Variants in GPATCH2 observed in about 807,000 individuals in gnomAD.
GPATCH2 encodes the protein G patch domain-containing protein 2.
In GPATCH2, 51 loss-of-function variants were observed where a neutral mutation model predicts 58.0. The ratio of observed to expected loss-of-function variants is 0.88; its 90% CI spans 0.70 to 1.11. GPATCH2 has a LOEUF of 1.11. Among genes scored for constraint, GPATCH2 ranks in the 50% most tolerant of loss-of-function variants. The pLI is 0.00. For synonymous variants in GPATCH2, 222 were observed against 218.5 expected (o/e 1.02, Z -0.14); for missense variants, 625 against 652.2 (o/e 0.96, Z 0.45).
At chr1:217,564,174 T>G (rs1219383223) in intron 5 of GPATCH2, among the ~76,000 whole-genome samples, 1 of 151,550 alleles carries the variant, frequency 6.6e-6, no homozygotes, top group Non-Finnish European at 1.5e-5. Context: ...AATATCTTAC[T>G]CGAAGTCCGA....
At position 217,620,405 on chromosome 1, in the gene GPATCH2, C is replaced by G; in HGVS notation, c.151G>C (p.Gly51Arg). Residue 51 changes from glycine to arginine, a missense_variant, in exon 2 of 10, where the codon GGA becomes CGA. Transcript: ENST00000366935. Reference sequence around the variant, plus strand: ...CAAGATATACTTCGAGAATGGTCTCCTGTTTCAGCAAATCCACCTCGAGCT... The same window carrying G: ...CAAGATATACTTCGAGAATGGTCTCGTGTTTCAGCAAATCCACCTCGAGCT... ...EQARGGFAET[G>R]DHSRSISCPL... 6.2e-7 allele frequency: 1 copy of G among 1,614,016 alleles called. No individual in the cohort carries two copies. Among genetic ancestry groups the G allele is most frequent in the Non-Finnish European group, 8.5e-7 (1 of 1,179,952 alleles).
At chr1:217,564,049 A>G (rs1258768724) in intron 5 of GPATCH2, among the ~76,000 whole-genome samples, 4 of 55,428 alleles carry the variant, frequency 7.2e-5, no homozygotes, top group Middle Eastern at 7.7e-3. Context: ...CGTCTCGAAA[A>G]AAAAAAAAAA....
intron 9 of GPATCH2, among the ~76,000 whole-genome samples, chr1:217,445,019 A>G (rs1188977765): frequency 6.6e-6 from 1 of 152,152 alleles, no homozygotes; most frequent in Non-Finnish European, 1.5e-5. Context: ...TTCCTATTGA[A>G]ATATCAGTAG....
chr1:217,586,586 C>T (rs1434900476), intron 5 of GPATCH2, among the ~76,000 whole-genome samples: 14 of 152,200 alleles, frequency 9.2e-5, no homozygotes, highest in Admixed American at 7.8e-4. Flanking sequence ...GGCTGTTTTA[C>T]GGTTACATTT....
intron 5 of GPATCH2, among the ~76,000 whole-genome samples, chr1:217,606,986 G>A (rs904665587): frequency 1.3e-5 from 2 of 152,090 alleles, no homozygotes; most frequent in African/African-American, 4.8e-5. Flanking sequence ...GAGGGAAGGA[G>A]GTTCAAAATC....
chr1:217,535,804 G>A (rs1664432079), intron 5 of GPATCH2, among the ~76,000 whole-genome samples: 1 of 151,854 alleles, frequency 6.6e-6, no homozygotes, highest in Non-Finnish European at 1.5e-5. Flanking sequence ...CTTGGAATTG[G>A]AACTAAAAAC....
At chr1:217,582,758 G>A (rs1667133470) in intron 5 of GPATCH2, among the ~76,000 whole-genome samples, 1 of 152,216 alleles carries the variant, frequency 6.6e-6, no homozygotes, top group Non-Finnish European at 1.5e-5. Context: ...CAGCAGGTCA[G>A]TAAACAGAGA....
chr1:217,612,624 A>T (rs1356948449), intron 3 of GPATCH2, among the ~76,000 whole-genome samples: 7 of 152,210 alleles, frequency 4.6e-5, no homozygotes, highest in Non-Finnish European at 1.0e-4. Context: ...AGGTTTAAGC[A>T]TAAGAAAAAA....
chr1:217,495,939 G>A (rs1368409368), intron 7 of GPATCH2, among the ~76,000 whole-genome samples: 2 of 152,208 alleles, frequency 1.3e-5, no homozygotes, highest in African/African-American at 4.8e-5. Flanking sequence ...AGGAGTGAGA[G>A]ATGGGATTTT....
At chr1:217,538,388 T>C (rs1664578026) in intron 5 of GPATCH2, among the ~76,000 whole-genome samples, 2 of 152,254 alleles carry the variant, frequency 1.3e-5, no homozygotes, top group African/African-American at 4.8e-5. Flanking sequence ...GTTTATTTTA[T>C]TGGCAGAATT....
At chr1:217,471,005 T>C (rs2102501933) in intron 8 of GPATCH2, among the ~76,000 whole-genome samples, 1 of 152,152 alleles carries the variant, frequency 6.6e-6, no homozygotes, top group South Asian at 2.1e-4. Flanking sequence ...AATCTAATGC[T>C]AATTTTAGGT....
At chr1:217,532,900 G>GTTTTTTTTTTTT (rs59591091) in intron 5 of GPATCH2, among the ~76,000 whole-genome samples, 2 of 110,860 alleles carry the variant, frequency 1.8e-5, no homozygotes, top group South Asian at 3.0e-4. Context: ...TTTTTTTTTT[G>GTTTTTTTTTTTT]TTTTTTTTTT....
At chr1:217,584,344 A>AATAT (rs71556690) in intron 5 of GPATCH2, among the ~76,000 whole-genome samples, 81 of 101,862 alleles carry the variant, frequency 8.0e-4, no homozygotes, top group South Asian at 3.4e-3. Flanking sequence ...AAAAAAAAAA[A>AATAT]ATATATATAT....
chr1:217,457,051 T>C (rs1481130703), intron 8 of GPATCH2, among the ~76,000 whole-genome samples: 1 of 152,224 alleles, frequency 6.6e-6, no homozygotes, highest in Non-Finnish European at 1.5e-5. Context: ...ATACAAATTA[T>C]AACCAGATTA....
intron 6 of GPATCH2, among the ~76,000 whole-genome samples, chr1:217,509,178 A>G (rs958082478): frequency 2.0e-5 from 3 of 152,012 alleles, no homozygotes; most frequent in African/African-American, 7.3e-5. Flanking sequence ...CATATCTACT[A>G]AAAGTACAAA....
rs1395136941 is a variant in GPATCH2, at chr1:217,514,840, G to A, written c.1148C>T (p.Pro383Leu). 4.0e-6 allele frequency: 6 copies of A among 1,510,296 alleles called. No homozygotes were observed. Among genetic ancestry groups the A allele is most frequent in the African/African-American group, 1.4e-5 (1 of 72,926 alleles). 93.6% of individuals were successfully genotyped at this position (1,510,296 alleles called of 1,614,324 possible). A position where few individuals can be genotyped will look rare whatever the true frequency, so the allele number is the denominator to read the frequency against. ...TACTCACTCATGGTGATGAGAATCC[G>A]GGGAAAAATGAACCATTCTCTTGTT... The part of the protein sequence containing the change: ...VGNKRMVHFS[P>L]DSHHHDHWFS... The change falls in exon 6 of 10, where the codon CCG becomes CTG. Residue 383 changes from proline to leucine, a missense_variant. Physicochemically the swap from Pro to Leu is moderately conservative, Grantham distance 98. Transcript: ENST00000366935.
At chr1:217,550,741 A>G (rs1452834769) in intron 5 of GPATCH2, among the ~76,000 whole-genome samples, 1 of 151,932 alleles carries the variant, frequency 6.6e-6, no homozygotes, top group Non-Finnish European at 1.5e-5. Flanking sequence ...TGATTTTAAA[A>G]TCATTTTTAA....
intron 5 of GPATCH2, among the ~76,000 whole-genome samples, chr1:217,533,284 T>G (rs1664292340): frequency 6.6e-6 from 1 of 152,066 alleles, no homozygotes; most frequent in East Asian, 1.9e-4. Flanking sequence ...GAGCTTTTGT[T>G]TATGCGGATT....
chr1:217,445,468 C>T (rs1659345426), intron 9 of GPATCH2, among the ~76,000 whole-genome samples: 1 of 152,080 alleles, frequency 6.6e-6, no homozygotes, highest in South Asian at 2.1e-4. Flanking sequence ...ATTTTGTTCA[C>T]TGCTTTTCTT....
Sources: allele counts gnomAD v4.1 joint callset (sites outside exome capture counted in the v4.1 genomes callset), GRCh38; gene constraint gnomAD v4.1.1; transcripts MANE v1.5; gene names NCBI Gene and HGNC (gene_info 2026-07-23, HGNC 2026-07-21).